Variants in STAU2 observed in about 807,000 individuals in gnomAD.
The protein encoded by STAU2 is staufen double-stranded RNA binding protein 2.
STAU2 carries 20 observed loss-of-function variants against 65.9 expected under a neutral mutation model. The observed-to-expected ratio is 0.30, with a 90% confidence interval of 0.21 to 0.44. The LOEUF (loss-of-function observed/expected upper bound fraction) is 0.44. Ranked by LOEUF, STAU2 falls within the 20% of genes least tolerant of loss-of-function variation. The pLI, the probability that STAU2 is intolerant of heterozygous loss-of-function variation, is 1.00. For synonymous variants in STAU2, 232 were observed against 233.9 expected, an observed-to-expected ratio of 0.99 and a Z score of 0.07; for missense variants, 558 against 683.9, an observed-to-expected ratio of 0.82 and a Z score of 2.05.
chr8:73,569,564 G>A (rs1229675916), intron 12 of STAU2, among the ~76,000 whole-genome samples: 1 of 151,680 alleles, frequency 6.6e-6, no homozygotes, highest in Non-Finnish European at 1.5e-5. Context: ...CTTCCAGTAG[G>A]GGCTGACTGA....
At chr8:73,474,778 C>CA (rs1016810740) in intron 13 of STAU2, among the ~76,000 whole-genome samples, 1 of 152,090 alleles carries the variant, frequency 6.6e-6, no homozygotes, top group African/African-American at 2.4e-5. Flanking sequence ...GAAAAGGCAA[C>CA]ATTTAAAAAA....
intron 12 of STAU2, among the ~76,000 whole-genome samples, chr8:73,556,463 T>TA (rs1482731297): frequency 2.0e-5 from 3 of 151,978 alleles, no homozygotes; most frequent in Non-Finnish European, 1.5e-5. Context: ...GAAATTACTA[T>TA]AAAAAATCTT....
intron 11 of STAU2, among the ~76,000 whole-genome samples, chr8:73,583,670 A>C (rs1049444766): frequency 6.6e-6 from 1 of 152,102 alleles, no homozygotes. Flanking sequence ...AAAAAATAAA[A>C]AAATAAAAAA....
intron 3 of STAU2, among the ~76,000 whole-genome samples, chr8:73,720,864 C>T (rs995406984): frequency 6.6e-6 from 1 of 151,916 alleles, no homozygotes. Context: ...CCATAGATTA[C>T]TTATATTTTT....
At chr8:73,535,355 G>C (rs1806112390) in intron 13 of STAU2, among the ~76,000 whole-genome samples, 1 of 152,102 alleles carries the variant, frequency 6.6e-6, no homozygotes, top group Non-Finnish European at 1.5e-5. Flanking sequence ...ATTTTTAGTA[G>C]AGATGGGGTT....
chr8:73,630,931 G>C (rs2130024497), intron 6 of STAU2, among the ~76,000 whole-genome samples: 1 of 152,328 alleles, frequency 6.6e-6, no homozygotes, highest in South Asian at 2.1e-4. Context: ...TATGCTGGCA[G>C]AATCTCTAGA....
intron 3 of STAU2, among the ~76,000 whole-genome samples, chr8:73,734,185 A>T (rs1336991510): frequency 6.6e-6 from 1 of 151,536 alleles, no homozygotes; most frequent in Non-Finnish European, 1.5e-5. Flanking sequence ...TATCTCTGTA[A>T]TAGAAGTGGA....
chr8:73,491,569 C>A (rs1048300722), intron 13 of STAU2, among the ~76,000 whole-genome samples: 3 of 151,920 alleles, frequency 2.0e-5, no homozygotes, highest in African/African-American at 7.2e-5. Flanking sequence ...GGGGTTTAGA[C>A]ATATTTTTTA....
At chr8:73,609,505 T>A (rs528493256) in intron 9 of STAU2, among the ~76,000 whole-genome samples, 2 of 151,862 alleles carry the variant, frequency 1.3e-5, no homozygotes, top group South Asian at 4.2e-4. Flanking sequence ...TACAAAAAAA[T>A]TAGCTGAGCA....
intron 13 of STAU2, among the ~76,000 whole-genome samples, chr8:73,539,529 A>T (rs1347611871): frequency 6.6e-6 from 1 of 152,172 alleles, no homozygotes; most frequent in Non-Finnish European, 1.5e-5. Context: ...GGAGTCACTG[A>T]ACTTATAGGT....
chr8:73,546,026 C>A (rs376456055), intron 13 of STAU2, among the ~76,000 whole-genome samples: 2 of 150,126 alleles, frequency 1.3e-5, no homozygotes, highest in South Asian at 2.1e-4. Context: ...CACTGCACTT[C>A]CGCCTCCCTG....
chr8:73,439,099 G>T (rs1188402375), intron 13 of STAU2: 1 of 451,558 alleles, frequency 2.2e-6, no homozygotes, highest in Non-Finnish European at 4.4e-6. Context: ...GGACAGTATT[G>T]TGCTGGTAAA....
At chr8:73,677,097 T>C (rs1038470788) in intron 5 of STAU2, among the ~76,000 whole-genome samples, 5 of 152,180 alleles carry the variant, frequency 3.3e-5, no homozygotes, top group Non-Finnish European at 5.9e-5. Context: ...CAACAGAGCC[T>C]AGCCTAATGC....
rs986456324 is a variant in STAU2 at position 73,531,075 on chromosome 8, G to A, written c.1530+20937C>T. 3.9e-5 allele frequency among the ~76,000 whole-genome samples: 6 copies of A among 152,124 alleles called. No individual in the cohort carries two copies. The East Asian group carries it at 5.8e-4, about 15-fold the overall frequency. On this transcript the variant is annotated intron_variant, in intron 13 of 14. Coordinates refer to ENST00000524300, the MANE Select transcript of STAU2 (RefSeq NM_001164380.2). ...AGAGCAGTAAGCCCATGAAATAGAC[G>A]TAAAGTGTGCAGGAAGGTGTCTCAG... is the stretch of plus-strand genomic sequence containing the variant.
In STAU2 at chr8:73,435,103, T is replaced by A. The variant is rs574855231; in HGVS notation, c.1531-12401A>T. 5.1e-4 allele frequency among the ~76,000 whole-genome samples: 78 copies of A among 151,772 alleles called. 1 individual carries two copies. The highest frequency in any genetic ancestry group is 3.5e-4 in the Non-Finnish European group (24 of 68,004). On this transcript the variant is annotated intron_variant, in intron 13 of 14. Coordinates refer to ENST00000524300, the MANE Select transcript of STAU2 (RefSeq NM_001164380.2). ...CCAGCTGGTATGGAGATGCCCCCCC[T>A]GGACCTTCTGCCCTGCTGAGGTTGG... is the stretch of plus-strand genomic sequence containing the variant.
chr8:73,660,950 T>TA (rs1200002716), intron 6 of STAU2, among the ~76,000 whole-genome samples: 2 of 152,206 alleles, frequency 1.3e-5, no homozygotes, highest in Non-Finnish European at 2.9e-5. Flanking sequence ...TCTCCCACAG[T>TA]AACAATGTCC....
chr8:73,473,049 C>T (rs747099421), intron 13 of STAU2, among the ~76,000 whole-genome samples: 1 of 152,286 alleles, frequency 6.6e-6, no homozygotes. Context: ...ACACTCCACA[C>T]AATAGCCAAG....
intron 13 of STAU2, among the ~76,000 whole-genome samples, chr8:73,448,683 C>T (rs7833530): frequency 0.053 from 8,051 of 152,300 alleles, 306 homozygotes; most frequent in African/African-American, 0.11. Context: ...GACTCATCCA[C>T]GTCACGGGGC....
intron 10 of STAU2, among the ~76,000 whole-genome samples, chr8:73,603,111 GT>G (rs1811764635): frequency 6.6e-6 from 1 of 152,190 alleles, no homozygotes; most frequent in Non-Finnish European, 1.5e-5. Flanking sequence ...TAAGACTGGA[GT>G]TTGAGCTGGC....
Sources: allele counts gnomAD v4.1 joint callset (sites outside exome capture counted in the v4.1 genomes callset), GRCh38; gene constraint gnomAD v4.1.1; transcripts MANE v1.5; gene names NCBI Gene and HGNC (gene_info 2026-07-23, HGNC 2026-07-21).